Variants in TM4SF4 observed in about 807,000 individuals in gnomAD.
The protein encoded by TM4SF4 is transmembrane 4 L6 family member 4.
TM4SF4 carries 24 observed loss-of-function variants against 24.1 expected under a neutral mutation model. The ratio of observed to expected loss-of-function variants is 1.00; its 90% CI spans 0.72 to 1.40. The LOEUF is 1.40. Among genes scored for constraint, TM4SF4 ranks in the 40% most tolerant of loss-of-function variants. The probability of loss-of-function intolerance (pLI) is 0.00; values close to 1 mark genes in which losing one functional copy is unlikely to be tolerated. For synonymous variants in TM4SF4, 113 were observed against 97.0 expected (o/e 1.17, Z -0.97); for missense variants, 254 against 254.2 (o/e 1.00, Z 0.01).
chr3:149,475,110 T>C, intron 1 of TM4SF4, 59 bp downstream of exon 1: 1 of 1,524,940 alleles, frequency 6.6e-7, no homozygotes, highest in African/African-American at 1.4e-5. Context: ...ACAATCCTTT[T>C]TAAATCAGGT....
chr3:149,495,208 G>T (rs67354369), intron 3 of TM4SF4: 16,415 of 196,394 alleles, frequency 0.084, 1,338 homozygotes, highest in East Asian at 0.42. Context: ...CACAGCAGCA[G>T]CTGTACCAAT....
In TM4SF4 at chr3:149,491,500, A is replaced by ACAAAAAT. The variant is rs1553783045; in HGVS notation, c.401+3745_401+3746insCAAAAAT. Among the ~76,000 whole-genome samples, 5 of 151,022 alleles carry ACAAAAAT rather than the reference A, an allele frequency of 3.3e-5. No homozygotes were observed. The East Asian group carries it at 7.8e-4, about 24-fold the overall frequency. On this transcript the variant is annotated intron_variant, in intron 3 of 4. Transcript: ENST00000305354. ...ACAAAACAAAACAAAACAAAACAAA[A>ACAAAAAT]ATATATATATATACACACACACACA...
At chr3:149,479,023 T>A (rs899947581) in intron 2 of TM4SF4, among the ~76,000 whole-genome samples, 2 of 152,216 alleles carry the variant, frequency 1.3e-5, no homozygotes. Context: ...TGCCTTAACC[T>A]CCCAAAGTGC....
chr3:149,487,889 G>A (rs1351870235), intron 3 of TM4SF4, 134 bp downstream of exon 3: 2 of 1,273,018 alleles, frequency 1.6e-6, no homozygotes, highest in South Asian at 1.5e-5. Flanking sequence ...CTTTGAGGCA[G>A]AGATGGAGTT....
At chr3:149,484,215 A>G (rs1249196905) in intron 2 of TM4SF4, among the ~76,000 whole-genome samples, 1 of 152,172 alleles carries the variant, frequency 6.6e-6, no homozygotes, top group East Asian at 1.9e-4. Context: ...TACAACATTT[A>G]TGTGTCTATG....
At chr3:149,484,081 C>T (rs575795588) in intron 2 of TM4SF4, among the ~76,000 whole-genome samples, 80 of 152,112 alleles carry the variant, frequency 5.3e-4, no homozygotes, top group East Asian at 4.1e-3. Context: ...GTGCCGGGCC[C>T]GTTTATTTTA....
chr3:149,475,559 G>C (rs1327587119), intron 1 of TM4SF4, among the ~76,000 whole-genome samples: 2 of 152,176 alleles, frequency 1.3e-5, no homozygotes, highest in African/African-American at 4.8e-5. Flanking sequence ...TTGAGGAAAA[G>C]TTTGTTATTC....
chr3:149,502,162 GT>G (rs1734440154), intron 4 of TM4SF4, among the ~76,000 whole-genome samples: 1 of 152,108 alleles, frequency 6.6e-6, no homozygotes, highest in Non-Finnish European at 1.5e-5. Context: ...TGCCTCCCTG[GT>G]TCAAATCCCA....
intron 2 of TM4SF4, among the ~76,000 whole-genome samples, chr3:149,484,192 G>A (rs987888517): frequency 6.6e-6 from 1 of 152,056 alleles, no homozygotes; most frequent in Non-Finnish European, 1.5e-5. Flanking sequence ...CTTCTTTTCC[G>A]TTTGAGTCTG....
chr3:149,500,502 T>C (rs891570733), intron 4 of TM4SF4, among the ~76,000 whole-genome samples: 1 of 152,190 alleles, frequency 6.6e-6, no homozygotes, highest in Non-Finnish European at 1.5e-5. Flanking sequence ...TGTATTCAAA[T>C]GTTTTGGTCT....
chr3:149,492,365 A>T (rs1303256666), intron 3 of TM4SF4, among the ~76,000 whole-genome samples: 1 of 152,186 alleles, frequency 6.6e-6, no homozygotes, highest in Non-Finnish European at 1.5e-5. Flanking sequence ...TAGTTAACTC[A>T]TTCTGTCCTG....
chr3:149,502,325 C>T (rs1576524475), intron 4 of TM4SF4, among the ~76,000 whole-genome samples: 1 of 152,114 alleles, frequency 6.6e-6, no homozygotes, highest in Middle Eastern at 3.4e-3. Context: ...TCATCAGTAC[C>T]TAATTCATCA....
chr3:149,475,051 G>C lies in TM4SF4; in HGVS notation c.174G>C (p.Leu58Phe), dbSNP rs767386840. 1 of 1,568,212 alleles carries C rather than the reference G, an allele frequency of 6.4e-7. No homozygotes were observed. The highest frequency in any genetic ancestry group is 8.7e-7 in the Non-Finnish European group (1 of 1,152,660). ...FFGGILGSGVLMIFPALVFLG... is the reference protein window; with the variant it reads ...FFGGILGSGVFMIFPALVFLG... ...GAGGAATATTAGGAAGCGGTGTCTT[G>C]GTGAGTAGGGAAGCTTAAAATCCCC... Residue 58 changes from leucine (L) to phenylalanine (F), a missense_variant and splice_region_variant, in exon 1 of 5, where the codon TTG becomes TTC. Physicochemically the swap from Leu to Phe is conservative, Grantham distance 22 (BLOSUM62 0). Coordinates refer to ENST00000305354, the MANE Select transcript of TM4SF4 (RefSeq NM_004617.4).
intron 4 of TM4SF4, among the ~76,000 whole-genome samples, chr3:149,502,140 A>G (rs112931950): frequency 0.038 from 5,843 of 152,272 alleles, 113 homozygotes; most frequent in Middle Eastern, 0.061. Context: ...CTTTAACACA[A>G]TCTCTGGGTT....
intron 2 of TM4SF4, among the ~76,000 whole-genome samples, chr3:149,480,678 C>T (rs56413726): frequency 6.6e-6 from 1 of 152,066 alleles, no homozygotes; most frequent in African/African-American, 2.4e-5. Context: ...TAATCTACCT[C>T]CTCATTCCTT....
intron 3 of TM4SF4, among the ~76,000 whole-genome samples, chr3:149,492,346 G>C (rs907518255): frequency 5.3e-5 from 8 of 152,132 alleles, no homozygotes; most frequent in Non-Finnish European, 7.4e-5. Flanking sequence ...TTAAGGGAGG[G>C]AGCAAAAGTA....
chr3:149,484,764 G>C (rs1734088617), intron 2 of TM4SF4, among the ~76,000 whole-genome samples: 1 of 152,162 alleles, frequency 6.6e-6, no homozygotes, highest in African/African-American at 2.4e-5. Flanking sequence ...ATATTGGCCA[G>C]GCTGGTCTGG....
In TM4SF4 at chr3:149,474,742, T is replaced by A; in HGVS notation, c.-136T>A. ...ACTCCAAGGACACAGTTCACAGAAATTTGGTTCTCAGCCCCAAAATACTGA... is the reference window on the plus strand; with the variant it reads ...ACTCCAAGGACACAGTTCACAGAAAATTGGTTCTCAGCCCCAAAATACTGA... On this transcript the variant is annotated 5_prime_UTR_variant, in exon 1 of 5. Transcript: ENST00000305354. 1 of 854,696 alleles carries A rather than the reference T, an allele frequency of 1.2e-6. No individual in the cohort carries two copies. The highest frequency in any genetic ancestry group is 1.7e-6 in the Non-Finnish European group (1 of 572,582). 52.9% of individuals were successfully genotyped at this position (854,696 alleles called of 1,614,324 possible).
chr3:149,477,952 C>T (rs1209123642), intron 2 of TM4SF4, among the ~76,000 whole-genome samples: 1 of 151,498 alleles, frequency 6.6e-6, no homozygotes, highest in Non-Finnish European at 1.5e-5. Context: ...AATTTCACAC[C>T]TGGTGCTGAG....
Sources: allele counts gnomAD v4.1 joint callset (sites outside exome capture counted in the v4.1 genomes callset), GRCh38; gene constraint gnomAD v4.1.1; transcripts MANE v1.5; gene names NCBI Gene and HGNC (gene_info 2026-07-23, HGNC 2026-07-21).